MCPH1: variants seen among roughly 807,000 people sequenced by gnomAD.
MCPH1 encodes the protein microcephalin 1.
A neutral mutation model predicts 84.5 loss-of-function variants in MCPH1; 104 were observed. The ratio of observed to expected loss-of-function variants is 1.23; its 90% CI spans 1.05 to 1.45. The LOEUF is 1.45. Ranked by LOEUF, MCPH1 falls within the 40% of genes most tolerant of loss-of-function variation. The pLI, the probability that MCPH1 is intolerant of heterozygous loss-of-function variation, is 0.00. For synonymous variants in MCPH1, 514 were observed against 366.8 expected, an observed-to-expected ratio of 1.40 and a Z score of -4.58; for missense variants, 1,498 against 1,005.7, an observed-to-expected ratio of 1.49 and a Z score of -6.62.
intron 3 of MCPH1, among the ~76,000 whole-genome samples, chr8:6,425,385 G>T (rs1296028142): frequency 6.6e-6 from 1 of 152,192 alleles, no homozygotes; most frequent in African/African-American, 2.4e-5. Flanking sequence ...ATTTTGGTTG[G>T]ACCCCTGGTA....
At chr8:6,407,261 C>T (rs1415689743) in intron 1 of MCPH1, 1 of 160,838 alleles carries the variant, frequency 6.2e-6, no homozygotes, top group South Asian at 1.7e-4. Flanking sequence ...TAGGAGCCGC[C>T]TTTTACTGCG....
chr8:6,519,239 C>G (rs958192623), intron 12 of MCPH1, among the ~76,000 whole-genome samples: 2 of 152,294 alleles, frequency 1.3e-5, no homozygotes, highest in South Asian at 2.1e-4. Flanking sequence ...ACCATGTCAC[C>G]AAGTCCACAG....
intron 12 of MCPH1, among the ~76,000 whole-genome samples, chr8:6,612,009 GC>G (rs1294044827): frequency 6.6e-6 from 1 of 152,166 alleles, no homozygotes; most frequent in Non-Finnish European, 1.5e-5. Context: ...CGGGGGTGGG[GC>G]TGAAAGTTTC....
chr8:6,442,786 T>A (rs905450259), intron 7 of MCPH1, among the ~76,000 whole-genome samples: 3 of 152,236 alleles, frequency 2.0e-5, no homozygotes, highest in Non-Finnish European at 4.4e-5. Flanking sequence ...CTGAAAGTAC[T>A]ATGTTCAAAA....
At chr8:6,422,808 C>T (rs191986223) in intron 3 of MCPH1, among the ~76,000 whole-genome samples, 6 of 152,286 alleles carry the variant, frequency 3.9e-5, no homozygotes, top group African/African-American at 1.2e-4. Context: ...CCTGCCTCAG[C>T]CTCCCGAGTA....
intron 12 of MCPH1, among the ~76,000 whole-genome samples, chr8:6,540,794 G>A (rs570122236): frequency 6.6e-6 from 1 of 152,396 alleles, no homozygotes; most frequent in East Asian, 1.9e-4. Flanking sequence ...GTCCCAGAGC[G>A]CAGCCATGCC....
chr8:6,412,231 G>A (rs1157762478), intron 2 of MCPH1, among the ~76,000 whole-genome samples: 2 of 152,168 alleles, frequency 1.3e-5, no homozygotes, highest in African/African-American at 4.8e-5. Context: ...TGGAATGTAG[G>A]AACCCGAGGG....
rs373658774 is a variant in MCPH1, at chr8:6,621,493, C to G, written c.2254C>G (p.Arg752Gly). The G allele has an allele frequency of 6.1e-5, 98 of 1,614,006 alleles. No individual in the cohort carries two copies. The highest frequency in any genetic ancestry group is 4.9e-4 in the Middle Eastern group (3 of 6,084). Residue 752 changes from arginine (R) to glycine (G), a missense_variant, in exon 13 of 14, where the codon CGC becomes GGC. Physicochemically the swap from Arg to Gly is moderately radical, Grantham distance 125. Transcript: ENST00000344683. ...SECHLSAGPY[R>G]GTLFADQPAM... ...GTGCCACTTGTCTGCAGGGCCGTAC[C>G]GCGGAACCCTCTTTGCCGACCAGCC... is the stretch of plus-strand genomic sequence containing the variant.
At chr8:6,617,370 C>A (rs1452092568) in intron 12 of MCPH1, among the ~76,000 whole-genome samples, 1 of 149,966 alleles carries the variant, frequency 6.7e-6, no homozygotes, top group Non-Finnish European at 1.5e-5. Context: ...AGCTCCTCCT[C>A]CCAGGTTCAC....
chr8:6,513,789 A>G, intron 12 of MCPH1: 1 of 1,614,072 alleles, frequency 6.2e-7, no homozygotes, highest in Non-Finnish European at 8.5e-7. Context: ...CTGATTAGTC[A>G]GTTGCGAAAC....
At chr8:6,484,821 T>C (rs749463909) in intron 11 of MCPH1, among the ~76,000 whole-genome samples, 3 of 152,116 alleles carry the variant, frequency 2.0e-5, no homozygotes, top group Admixed American at 1.3e-4. Context: ...GGCCAAACTA[T>C]AGGGAAGGAG....
intron 12 of MCPH1, chr8:6,616,267 T>A (rs999130037): frequency 6.6e-5 from 10 of 152,134 alleles, no homozygotes; most frequent in African/African-American, 2.4e-4. Context: ...GAGCTCTGCC[T>A]AGAGGGAAAA....
intron 12 of MCPH1, among the ~76,000 whole-genome samples, chr8:6,589,253 A>AT (rs1265863796): frequency 1.3e-5 from 2 of 151,940 alleles, no homozygotes; most frequent in African/African-American, 4.8e-5. Flanking sequence ...GTTTTCTTTT[A>AT]TTTTTTCCTT....
At chr8:6,447,507 G>A in intron 8 of MCPH1, 1 of 744,126 alleles carries the variant, frequency 1.3e-6, no homozygotes. Flanking sequence ...TACGCTGATA[G>A]AACGGGAACT....
intron 12 of MCPH1, among the ~76,000 whole-genome samples, chr8:6,589,763 A>G (rs1828292607): frequency 1.3e-5 from 2 of 152,222 alleles, no homozygotes; most frequent in South Asian, 2.1e-4. Context: ...TTATGTGTAA[A>G]TTGCCAAAGA....
Position 6,445,196 on chromosome 8 carries a change from G to A in MCPH1, c.1474G>A (p.Gly492Ser). ...SSPRKTGNGE[G>S]RATSSCVTSA... ...TCCTCGGAAAACTGGAAATGGTGAAGGCCGTGCAACTTCGAGTTGCGTGAC... is the reference window on the plus strand; with the variant it reads ...TCCTCGGAAAACTGGAAATGGTGAAAGCCGTGCAACTTCGAGTTGCGTGAC... Residue 492 changes from glycine to serine, a missense_variant, in exon 8 of 14, where the codon GGC becomes AGC. Transcript: ENST00000344683. 1 of 1,614,270 alleles carries A rather than the reference G, an allele frequency of 6.2e-7. No individual in the cohort carries two copies. Among genetic ancestry groups the A allele is most frequent in the Non-Finnish European group, 8.5e-7 (1 of 1,180,050 alleles).
intron 12 of MCPH1, chr8:6,616,289 A>G (rs1830785739): frequency 1.3e-5 from 2 of 152,154 alleles, no homozygotes; most frequent in African/African-American, 2.4e-5. Context: ...CGAATGCACT[A>G]ATTGAAATCC....
intron 1 of MCPH1, among the ~76,000 whole-genome samples, chr8:6,407,388 T>G (rs889134692): frequency 4.6e-5 from 7 of 152,136 alleles, no homozygotes; most frequent in African/African-American, 1.7e-4. Context: ...ATCGGACGTT[T>G]AGGTGACTCT....
At chr8:6,577,840 C>G (rs990489019) in intron 12 of MCPH1, among the ~76,000 whole-genome samples, 3 of 152,314 alleles carry the variant, frequency 2.0e-5, no homozygotes, top group Middle Eastern at 3.4e-3. Flanking sequence ...TCTTAATCTC[C>G]CTACAGAGCT....
Sources: gnomAD v4.1 joint callset for allele counts (sites outside exome capture counted in the v4.1 genomes callset) on GRCh38, gnomAD v4.1.1 for gene constraint, MANE v1.5 for transcripts, NCBI Gene and HGNC (gene_info 2026-07-23, HGNC 2026-07-21) for gene names.